TRIM14: variants seen among roughly 807,000 people sequenced by gnomAD.
TRIM14 encodes tripartite motif-containing protein 14.
A neutral mutation model predicts 44.5 loss-of-function variants in TRIM14; 28 were observed. The ratio of observed to expected loss-of-function variants is 0.63; its 90% CI spans 0.47 to 0.86. The LOEUF is 0.86. Ranked by LOEUF, TRIM14 falls within the 40% of genes least tolerant of loss-of-function variation. The pLI, the probability that TRIM14 is intolerant of heterozygous loss-of-function variation, is 0.00. For missense variants in TRIM14, 607 were observed against 611.1 expected (o/e 0.99, Z 0.07); for synonymous variants, 299 against 269.2 (o/e 1.11, Z -1.08).
chr9:98,064,303 G>A (rs1158289960), downstream of TRIM14, among the ~76,000 whole-genome samples: 1 of 151,788 alleles, frequency 6.6e-6, no homozygotes, highest in Non-Finnish European at 1.5e-5. Context: ...GCTCAAGCTG[G>A]AGTGCAATGG....
chr9:98,074,723 C>T (rs968058168), intron 6 of TRIM14: 3 of 152,136 alleles, frequency 2.0e-5, no homozygotes, highest in Non-Finnish European at 4.4e-5. Context: ...CACTTGTCCC[C>T]CCTCCTTGCC....
chr9:98,095,127 C>T lies in TRIM14; in HGVS notation c.538-98G>A. 6.9e-7 allele frequency: 1 copy of T among 1,455,268 alleles called. No individual in the cohort carries two copies. The highest frequency in any genetic ancestry group is 2.3e-5 in the Admixed American group (1 of 43,348). The allele number at this position is 1,455,268 out of a possible 1,614,324, so 90.1% of individuals were successfully genotyped here. ...AGGAACAAACCCACACCAGCATGCC[C>T]AGGCTCCACGTTGGCCTGGCACCTA... is the stretch of plus-strand genomic sequence containing the variant. On this transcript the variant is annotated intron_variant, in intron 3 of 5. Coordinates refer to ENST00000341469, the MANE Select transcript of TRIM14 (RefSeq NM_014788.4). The surrounding 1 kb of genome is among the most constrained non-coding windows in gnomAD (Gnocchi z 4.1).
chr9:98,045,915 G>C, the TRIM14 span, among the ~76,000 whole-genome samples: 32 of 152,246 alleles, frequency 2.1e-4, no homozygotes, highest in East Asian at 6.2e-3. Context: ...GGAAATTTCT[G>C]TTCCAAACTG....
In TRIM14 at chr9:98,091,926, C is replaced by T. The variant is rs764051742; in HGVS notation, c.776G>A (p.Arg259Gln). The T allele has an allele frequency of 6.2e-7, 1 of 1,602,978 alleles. No homozygotes were observed. Among genetic ancestry groups the T allele is most frequent in the Non-Finnish European group, 8.5e-7 (1 of 1,172,660 alleles). Reference protein sequence around the residue: ...TLLKTSPSPERSLLLKYARTP... With the variant: ...TLLKTSPSPEQSLLLKYARTP... ...GGTCTTACATTTCAGCAATAGCGAT[C>T]GCTCTGGTGAGGGGCTGGTTTTCAA... The change falls in exon 5 of 6, where the codon CGA becomes CAA. Residue 259 changes from arginine to glutamine, a missense_variant. Physicochemically the swap from Arg to Gln is conservative, Grantham distance 43. Around this residue, in one of 3 missense-constraint regions of TRIM14, gnomAD observed 356 missense variants for 323.0 expected, o/e 1.10. Coordinates refer to ENST00000341469, the MANE Select transcript of TRIM14 (RefSeq NM_014788.4).
At chr9:98,055,722 A>AT in the TRIM14 span, among the ~76,000 whole-genome samples, 1 of 151,978 alleles carries the variant, frequency 6.6e-6, no homozygotes, top group African/African-American at 2.4e-5. Flanking sequence ...AACTTATCTT[A>AT]TTTTTTAAAT....
chr9:98,085,940 T>C lies in TRIM14; in HGVS notation c.*1530A>G, dbSNP rs1371953718. On this transcript the variant is annotated 3_prime_UTR_variant, in exon 6 of 6. Coordinates refer to ENST00000341469, the MANE Select transcript of TRIM14 (RefSeq NM_014788.4). The stretch of plus-strand genomic sequence containing the variant: ...TATAACTTCAAAACCGTCTAGGGAA[T>C]TGACAAAACAGGACGCAGAACCTTC... 6.6e-6 allele frequency: 1 copy of C among 152,110 alleles called. No homozygotes were observed. Among genetic ancestry groups the C allele is most frequent in the Non-Finnish European group, 1.5e-5 (1 of 68,024 alleles). The allele number at this position is 152,110 out of a possible 1,614,324, so 9.4% of individuals were successfully genotyped here. A position where few individuals can be genotyped will look rare whatever the true frequency, so the allele number is the denominator to read the frequency against.
intron 1 of TRIM14, chr9:98,110,229 CT>C (rs898342943): frequency 2.6e-4 from 128 of 498,232 alleles, no homozygotes; most frequent in African/African-American, 2.3e-3. Flanking sequence ...TCACACTTTA[CT>C]TTATCTAGGA....
chr9:98,054,138 CT>C, the TRIM14 span, among the ~76,000 whole-genome samples: 1 of 151,962 alleles, frequency 6.6e-6, no homozygotes, highest in South Asian at 2.1e-4. Flanking sequence ...GCCTGTTAAG[CT>C]TTTTTTTCAG....
At position 98,076,935 on chromosome 9, in the gene TRIM14, G is replaced by C. The variant is rs374201767; in HGVS notation, c.*29-7248C>G. The stretch of plus-strand genomic sequence containing the variant: ...TTTTGTAGATGGCAGTTGAATTCCT[G>C]CATGAACTGAATGTTCCATTTTTCA... On this transcript the variant is annotated intron_variant, in intron 6 of 6. Transcript: ENST00000375098. 8 of 1,611,550 alleles carry C rather than the reference G, an allele frequency of 5.0e-6. No homozygotes were observed. The African/African-American group carries it at 1.1e-4, about 22-fold the overall frequency.
chr9:98,036,519 A>G, the TRIM14 span, among the ~76,000 whole-genome samples: 6 of 141,418 alleles, frequency 4.2e-5, no homozygotes, highest in African/African-American at 1.4e-4. Context: ...AAAAAAAAAA[A>G]TGCTAGGCAA....
intron 1 of TRIM14, among the ~76,000 whole-genome samples, chr9:98,111,058 CA>C (rs143743300): frequency 1.0e-4 from 14 of 140,498 alleles, no homozygotes; most frequent in African/African-American, 3.8e-4. Context: ...TCCCCCCCCC[CA>C]AAAAAAAACA....
At chr9:98,090,560 CTTT>C (rs56909266) in intron 5 of TRIM14, among the ~76,000 whole-genome samples, 1,968 of 124,236 alleles carry the variant, frequency 0.016, 42 homozygotes, top group African/African-American at 0.055. Context: ...GATTTGTGCA[CTTT>C]TTTTTTTTTT....
the TRIM14 span, among the ~76,000 whole-genome samples, chr9:98,038,587 T>A: frequency 3.3e-5 from 5 of 152,246 alleles, no homozygotes; most frequent in Non-Finnish European, 7.3e-5. Context: ...TGACTATTTT[T>A]AAATGTGATT....
the TRIM14 span, among the ~76,000 whole-genome samples, chr9:98,040,885 G>T: frequency 1.3e-5 from 2 of 152,076 alleles, no homozygotes; most frequent in Non-Finnish European, 2.9e-5. Flanking sequence ...TTGAACTCCT[G>T]ACCTCTTGAT....
downstream of TRIM14, among the ~76,000 whole-genome samples, chr9:98,079,358 A>G (rs976845712): frequency 6.6e-6 from 1 of 152,210 alleles, no homozygotes; most frequent in Non-Finnish European, 1.5e-5. Flanking sequence ...ATCCACACAT[A>G]CTAGAATCCT....
In TRIM14 at chr9:98,071,960, C is replaced by A. The variant is rs754049120; in HGVS notation, c.*29-2273G>T. On this transcript the variant is annotated intron_variant, in intron 6 of 6. Transcript: ENST00000375098. ...CCTGCAGGTGGCATCGGTTGAGAAC[C>A]CGGAGCAGTTGGGTGATAGGGAGGA... is the stretch of plus-strand genomic sequence containing the variant. Among the ~76,000 whole-genome samples, 48 of 152,176 alleles carry A rather than the reference C, an allele frequency of 3.2e-4. 1 individual carries two copies. The highest frequency in any genetic ancestry group is 1.2e-4 in the Non-Finnish European group (8 of 68,026).
At chr9:98,070,915 G>A (rs750921894) in intron 6 of TRIM14, among the ~76,000 whole-genome samples, 42 of 151,332 alleles carry the variant, frequency 2.8e-4, no homozygotes, top group Admixed American at 5.3e-4. Flanking sequence ...AGGCTCAAGC[G>A]ATCCTCCCAC....
chr9:98,050,580 C>T, the TRIM14 span, among the ~76,000 whole-genome samples: 2 of 152,136 alleles, frequency 1.3e-5, no homozygotes, highest in Admixed American at 1.3e-4. Flanking sequence ...GGGCCTAGTG[C>T]TCATTCCAAA....
intron 6 of TRIM14, among the ~76,000 whole-genome samples, chr9:98,070,926 C>T (rs1829312752): frequency 6.6e-6 from 1 of 151,918 alleles, no homozygotes; most frequent in Non-Finnish European, 1.5e-5. Flanking sequence ...ATCCTCCCAC[C>T]TCAGCCTTCT....
Sources: allele counts gnomAD v4.1 joint callset (sites outside exome capture counted in the v4.1 genomes callset), GRCh38; gene constraint gnomAD v4.1.1; regional missense constraint gnomAD v4.1.1; non-coding constraint Gnocchi (gnomAD v3.1); transcripts MANE v1.5; gene names NCBI Gene and HGNC (gene_info 2026-07-23, HGNC 2026-07-21).